The following METTL16 variants were observed in gnomAD, a reference collection of about 807,000 sequenced individuals.
METTL16 encodes the protein RNA N(6)-adenosine-methyltransferase METTL16.
METTL16 carries 19 observed loss-of-function variants against 57.9 expected under a neutral mutation model. That is an observed-to-expected ratio of 0.33 (90% CI 0.23 to 0.48). The LOEUF (loss-of-function observed/expected upper bound fraction) is 0.48, where lower values mean the gene tolerates loss of function less well. Ranked by LOEUF, METTL16 falls within the 20% of genes least tolerant of loss-of-function variation. METTL16 has a pLI of 0.99. For missense variants in METTL16, 434 were observed against 691.5 expected, an observed-to-expected ratio of 0.63 and a Z score of 4.18; for synonymous variants, 246 against 255.6, an observed-to-expected ratio of 0.96 and a Z score of 0.36.
At chr17:2,422,674 A>C (rs2066775828) in intron 8 of METTL16, among the ~76,000 whole-genome samples, 1 of 151,796 alleles carries the variant, frequency 6.6e-6, no homozygotes, top group South Asian at 2.1e-4. Context: ...CCAGCCTGAG[A>C]ATTTCTTTCT....
At position 2,433,495 on chromosome 17, in the gene METTL16, C is replaced by A. The variant is rs1008107571; in HGVS notation, c.888+4614G>T. ...GATGGTCCATAAGCAAGATGTGAGG[C>A]CATCATGAGCAGGTTCTGGCCAGGC... is the stretch of plus-strand genomic sequence containing the variant. On this transcript the variant is annotated intron_variant, in intron 8 of 9. Coordinates refer to ENST00000263092, the MANE Select transcript of METTL16 (RefSeq NM_024086.4). 3.9e-5 allele frequency among the ~76,000 whole-genome samples: 6 copies of A among 152,122 alleles called. No individual in the cohort carries two copies. The East Asian group carries it at 7.7e-4, about 20-fold the overall frequency.
intron 2 of METTL16, among the ~76,000 whole-genome samples, chr17:2,479,864 T>G (rs138148687): frequency 1.3e-4 from 20 of 152,178 alleles, no homozygotes; most frequent in African/African-American, 4.8e-4. Context: ...GTCACTTCAG[T>G]TCTTAGGTCT....
chr17:2,448,155 T>G (rs2067028343), intron 6 of METTL16, among the ~76,000 whole-genome samples: 3 of 148,698 alleles, frequency 2.0e-5, no homozygotes, highest in East Asian at 2.0e-4. Context: ...GGCCGCCCCG[T>G]CCGGGAGGTG....
At chr17:2,437,873 C>T (rs746876846) in intron 8 of METTL16, among the ~76,000 whole-genome samples, 1 of 152,130 alleles carries the variant, frequency 6.6e-6, no homozygotes, top group African/African-American at 2.4e-5. Flanking sequence ...CTAAAAGATA[C>T]ATTTCTGTCA....
At chr17:2,478,215 G>A (rs190563323) in intron 2 of METTL16, among the ~76,000 whole-genome samples, 12 of 152,324 alleles carry the variant, frequency 7.9e-5, no homozygotes, top group Admixed American at 6.5e-4. Context: ...TTCCTCTGCT[G>A]TGAAATGAGG....
rs1396725211 is a variant in METTL16, at chr17:2,458,810, T to A, written c.728+5398A>T. Among the ~76,000 whole-genome samples, 3 of 152,036 alleles carry A rather than the reference T, an allele frequency of 2.0e-5. No homozygotes were observed. In the East Asian group the frequency reaches 5.8e-4, roughly 29 times the overall value. On this transcript the variant is annotated intron_variant, in intron 6 of 9. Transcript: ENST00000263092. Reference sequence around the variant, plus strand: ...AAGGTTAGATGGGTGAGTCCCTTTTTTTTTTTTCTTTTTTGAGATAGGGTC... The same window carrying A: ...AAGGTTAGATGGGTGAGTCCCTTTTATTTTTTTCTTTTTTGAGATAGGGTC...
intron 4 of METTL16, 100 bp from the exon 5 acceptor site, chr17:2,467,976 G>GA: frequency 1.3e-6 from 1 of 790,452 alleles, no homozygotes. Flanking sequence ...CTGCATATAT[G>GA]ATGGTGGTCC....
intron 2 of METTL16, among the ~76,000 whole-genome samples, chr17:2,493,131 T>C (rs1026031182): frequency 1.4e-5 from 2 of 144,068 alleles, no homozygotes; most frequent in African/African-American, 5.0e-5. Context: ...TGATTCTTCT[T>C]TTTTTTTTTT....
At chr17:2,490,897 A>G (rs139229632) in intron 2 of METTL16, among the ~76,000 whole-genome samples, 271 of 152,322 alleles carry the variant, frequency 1.8e-3, no homozygotes, top group Non-Finnish European at 2.9e-3. Context: ...ATTTATTCAC[A>G]AGGAACTATA....
intron 2 of METTL16, among the ~76,000 whole-genome samples, chr17:2,483,885 C>G (rs900025184): frequency 6.6e-6 from 1 of 152,180 alleles, no homozygotes; most frequent in Non-Finnish European, 1.5e-5. Context: ...TTACATATGA[C>G]GAAGAAGTTC....
At chr17:2,443,944 T>C (rs2151551645) in intron 6 of METTL16, among the ~76,000 whole-genome samples, 1 of 152,348 alleles carries the variant, frequency 6.6e-6, no homozygotes, top group East Asian at 1.9e-4. Context: ...GAATAAGTTT[T>C]AGTTTTTAGC....
At chr17:2,430,709 C>T (rs768470671) in intron 8 of METTL16, among the ~76,000 whole-genome samples, 90 of 152,040 alleles carry the variant, frequency 5.9e-4, no homozygotes, top group African/African-American at 1.0e-3. Flanking sequence ...TGAGCCACCG[C>T]GCCCAGCCTA....
intron 6 of METTL16, 84 bp downstream of exon 6, chr17:2,464,124 C>T (rs545216192): frequency 3.1e-5 from 44 of 1,416,200 alleles, no homozygotes; most frequent in Middle Eastern, 2.4e-4. Flanking sequence ...CTCTGTCCCC[C>T]GCCACCAAAA....
At chr17:2,464,139 G>A in intron 6 of METTL16, 69 bp downstream of exon 6, 3 of 1,489,860 alleles carry the variant, frequency 2.0e-6, no homozygotes. Flanking sequence ...CCAAAAAAAA[G>A]AGAACTACAT....
intron 3 of METTL16, among the ~76,000 whole-genome samples, chr17:2,476,904 C>G (rs1267956524): frequency 6.6e-6 from 1 of 150,614 alleles, no homozygotes; most frequent in Non-Finnish European, 1.5e-5. Flanking sequence ...TGCAACGAGT[C>G]GAGACCGTGC....
At chr17:2,464,562 T>C (rs1163766624) in intron 5 of METTL16, among the ~76,000 whole-genome samples, 2 of 152,198 alleles carry the variant, frequency 1.3e-5, no homozygotes, top group Admixed American at 1.3e-4. Flanking sequence ...TTACTTTCCA[T>C]TTTTGTGGTT....
At chr17:2,504,749 T>A (rs983345379) in intron 1 of METTL16, among the ~76,000 whole-genome samples, 4 of 152,150 alleles carry the variant, frequency 2.6e-5, no homozygotes, top group African/African-American at 9.7e-5. Flanking sequence ...TAATTTTATT[T>A]TTTGTAGAGA....
At chr17:2,511,084 G>A (rs1027406792) in intron 1 of METTL16, among the ~76,000 whole-genome samples, 2 of 151,620 alleles carry the variant, frequency 1.3e-5, no homozygotes, top group Admixed American at 1.3e-4. Flanking sequence ...TTCCCTGTCT[G>A]GACCACCGAC....
At chr17:2,466,919 C>CA (rs2067202396) in intron 5 of METTL16, among the ~76,000 whole-genome samples, 1 of 152,104 alleles carries the variant, frequency 6.6e-6, no homozygotes, top group South Asian at 2.1e-4. Context: ...CCTCCCACCT[C>CA]AGCCTCCCAA....
Sources: allele counts gnomAD v4.1 joint callset (sites outside exome capture counted in the v4.1 genomes callset), GRCh38; gene constraint gnomAD v4.1.1; transcripts MANE v1.5; gene names NCBI Gene and HGNC (gene_info 2026-07-23, HGNC 2026-07-21).